The following ABI3BP variants were observed in gnomAD, a reference collection of about 807,000 sequenced individuals.
The protein encoded by ABI3BP is ABI family member 3 binding protein, also known as target of Nesh-SH3.
In ABI3BP, 216 loss-of-function variants were observed where a neutral mutation model predicts 268.6. The observed-to-expected ratio is 0.80, with a 90% CI of 0.72 to 0.90. The LOEUF (loss-of-function observed/expected upper bound fraction) is 0.90. ABI3BP is among the 40% of genes least tolerant of loss of function. The pLI, the probability that ABI3BP is intolerant of heterozygous loss-of-function variation, is 0.00. For missense variants in ABI3BP, 2,090 were observed against 2,182.4 expected (o/e 0.96, Z 0.84); for synonymous variants, 730 against 730.0 (o/e 1.00, Z 0.00).
Position 100,874,837 on chromosome 3 carries a change from T to C in ABI3BP, c.910+4A>G. On this transcript the variant is annotated splice_donor_region_variant and intron_variant, in intron 9 of 67. Coordinates refer to ENST00000471714, the MANE Select transcript of ABI3BP (RefSeq NM_001375547.2). ...AAGTTCAAATACAAAACTTTTCTGC[T>C]TACCTAATTGTGTCTTGAGTGCATC... 6.4e-7 allele frequency: 1 copy of C among 1,572,126 alleles called. No individual in the cohort carries two copies. Among genetic ancestry groups the C allele is most frequent in the Non-Finnish European group, 8.7e-7 (1 of 1,153,236 alleles).
intron 51 of ABI3BP, among the ~76,000 whole-genome samples, chr3:100,801,456 G>GA (rs201538753): frequency 1.3e-4 from 19 of 145,118 alleles, no homozygotes; most frequent in African/African-American, 4.8e-4. Context: ...GAAAAGAAAA[G>GA]AAAAAAAGAT....
intron 2 of ABI3BP, among the ~76,000 whole-genome samples, chr3:100,919,620 A>G (rs1256339844): frequency 6.6e-6 from 1 of 152,242 alleles, no homozygotes; most frequent in African/African-American, 2.4e-5. Context: ...ATAAAGTGAG[A>G]AACTTCAAAG....
intron 31 of ABI3BP, among the ~76,000 whole-genome samples, chr3:100,831,066 C>T (rs1473066304): frequency 6.6e-6 from 1 of 152,172 alleles, no homozygotes; most frequent in Non-Finnish European, 1.5e-5. Context: ...TGAAAGCAAA[C>T]ACAGTGTAGC....
Position 100,962,999 on chromosome 3 carries a change from C to T in ABI3BP, c.79+30307G>A, listed in dbSNP as rs117279570. 1.4e-4 allele frequency among the ~76,000 whole-genome samples: 21 copies of T among 152,186 alleles called. No individual in the cohort carries two copies. In the East Asian group the frequency reaches 4.1e-3, roughly 29 times the overall value. Reference sequence around the variant, plus strand: ...TAACACTGAAGCCATAATTTTTGGCCCTACATCTGACTCTTTTCTAGTACA... The same window carrying T: ...TAACACTGAAGCCATAATTTTTGGCTCTACATCTGACTCTTTTCTAGTACA... On this transcript the variant is annotated intron_variant, in intron 1 of 67. Transcript: ENST00000471714.
chr3:100,899,749 A>T (rs2049332218), intron 3 of ABI3BP, among the ~76,000 whole-genome samples: 1 of 152,242 alleles, frequency 6.6e-6, no homozygotes, highest in African/African-American at 2.4e-5. Context: ...AGAAAGCCTA[A>T]TAAAACTACA....
chr3:100,899,881 G>A (rs1022735595), intron 3 of ABI3BP, among the ~76,000 whole-genome samples: 6 of 152,220 alleles, frequency 3.9e-5, no homozygotes, highest in Non-Finnish European at 8.8e-5. Context: ...GGAGCCAAAT[G>A]GCAGAATGGC....
At chr3:100,782,059 T>C (rs2096881742) in intron 57 of ABI3BP, among the ~76,000 whole-genome samples, 1 of 152,184 alleles carries the variant, frequency 6.6e-6, no homozygotes, top group African/African-American at 2.4e-5. Flanking sequence ...TAACTCTGAG[T>C]GAATACATTC....
At chr3:100,944,569 G>T (rs2071197849) in intron 1 of ABI3BP, among the ~76,000 whole-genome samples, 1 of 152,224 alleles carries the variant, frequency 6.6e-6, no homozygotes, top group East Asian at 1.9e-4. Flanking sequence ...TTGCCATCTT[G>T]CAAAAACATT....
At chr3:100,943,680 C>G (rs927314925) in intron 1 of ABI3BP, among the ~76,000 whole-genome samples, 6 of 152,082 alleles carry the variant, frequency 3.9e-5, no homozygotes, top group South Asian at 2.1e-4. Flanking sequence ...TGTAAGGTCT[C>G]TTGCACTTAA....
At chr3:100,888,438 G>A (rs937410870) in intron 4 of ABI3BP, among the ~76,000 whole-genome samples, 1 of 152,034 alleles carries the variant, frequency 6.6e-6, no homozygotes, top group Non-Finnish European at 1.5e-5. Flanking sequence ...ACAAAATTAT[G>A]CATCTCTAGT....
chr3:100,776,231 A>G (rs1024406346), intron 59 of ABI3BP, among the ~76,000 whole-genome samples: 7 of 152,308 alleles, frequency 4.6e-5, no homozygotes, highest in Admixed American at 2.6e-4. Flanking sequence ...GTCAAGGGAT[A>G]CAAGCCTGAC....
At chr3:100,811,602 G>T (rs2097861852) in intron 47 of ABI3BP, 126 bp downstream of exon 47, 1 of 916,484 alleles carries the variant, frequency 1.1e-6, no homozygotes, top group Non-Finnish European at 1.6e-6. Flanking sequence ...GGAAGCTGTA[G>T]CTCCTTCAAA....
chr3:100,989,867 G>A (rs1401267770), intron 1 of ABI3BP, among the ~76,000 whole-genome samples: 3 of 152,140 alleles, frequency 2.0e-5, no homozygotes, highest in African/African-American at 7.2e-5. Context: ...GGAGCACAGG[G>A]GCTTCCAAAG....
At chr3:100,834,630 C>T (rs2098547744) in intron 29 of ABI3BP, 54 bp downstream of exon 29, 10 of 1,497,900 alleles carry the variant, frequency 6.7e-6, no homozygotes, top group Middle Eastern at 1.7e-4. Context: ...AACTGCCACC[C>T]CCATGCCACA....
At chr3:100,770,640 C>G in intron 62 of ABI3BP, 103 bp downstream of exon 62, 1 of 1,143,814 alleles carries the variant, frequency 8.7e-7, no homozygotes, top group Admixed American at 3.1e-5. Context: ...TGTCTCCTCC[C>G]CAGGTATGCT....
chr3:100,822,116 G>C (rs1028833076), intron 38 of ABI3BP, among the ~76,000 whole-genome samples: 1 of 152,084 alleles, frequency 6.6e-6, no homozygotes, highest in Non-Finnish European at 1.5e-5. Context: ...AACCAGTCTT[G>C]TATTTGCACA....
intron 21 of ABI3BP, 106 bp downstream of exon 21, chr3:100,841,892 T>C: frequency 1.1e-6 from 1 of 948,630 alleles, no homozygotes; most frequent in Non-Finnish European, 1.5e-6. Context: ...TGAAACTTCA[T>C]CTGGAGAAGA....
intron 2 of ABI3BP, among the ~76,000 whole-genome samples, chr3:100,920,155 A>G (rs1460396612): frequency 6.6e-6 from 1 of 152,292 alleles, no homozygotes; most frequent in East Asian, 1.9e-4. Context: ...ATCCTCTACA[A>G]TTTTACCAAC....
In ABI3BP at chr3:100,749,650, T is replaced by G; in HGVS notation, c.*845A>C. On this transcript the variant is annotated 3_prime_UTR_variant, in exon 68 of 68. Coordinates refer to ENST00000471714, the MANE Select transcript of ABI3BP (RefSeq NM_001375547.2). Reference sequence around the variant, plus strand: ...AAATATCCTATAAAATGGTAGGCAATCTCATCGTGCATTATCTTTTTGTGC... The same window carrying G: ...AAATATCCTATAAAATGGTAGGCAAGCTCATCGTGCATTATCTTTTTGTGC... The G allele has an allele frequency of 7.5e-6, 3 of 398,498 alleles. No individual in the cohort carries two copies. Among genetic ancestry groups the G allele is most frequent in the Non-Finnish European group, 1.3e-5 (3 of 225,788 alleles). 24.7% of individuals were successfully genotyped at this position (398,498 alleles called of 1,614,324 possible).
Sources: allele counts gnomAD v4.1 joint callset (sites outside exome capture counted in the v4.1 genomes callset), GRCh38; gene constraint gnomAD v4.1.1; transcripts MANE v1.5; gene names NCBI Gene and HGNC (gene_info 2026-07-23, HGNC 2026-07-21).